CNNM4: variants seen among roughly 807,000 people sequenced by gnomAD.
CNNM4 encodes the protein metal transporter CNNM4.
A neutral mutation model predicts 53.7 loss-of-function variants in CNNM4; 32 were observed. That is an observed-to-expected ratio of 0.60 (90% CI 0.45 to 0.80). CNNM4 has a LOEUF of 0.80. Ranked by LOEUF, CNNM4 falls within the 30% of genes least tolerant of loss-of-function variation. CNNM4 has a pLI of 0.00. For missense variants in CNNM4, 784 were observed against 1,022.0 expected (o/e 0.77, Z 3.17); for synonymous variants, 410 against 440.0 (o/e 0.93, Z 0.85).
In CNNM4 at chr2:96,765,215, C is replaced by T. The variant is rs539632345; in HGVS notation, c.1402+2814C>T. Among the ~76,000 whole-genome samples, 156 of 150,578 alleles carry T rather than the reference C, an allele frequency of 1.0e-3. 2 individuals are homozygous for T. Among genetic ancestry groups the T allele is most frequent in the Admixed American group, 7.8e-3 (118 of 15,118 alleles). On this transcript the variant is annotated intron_variant, in intron 1 of 6. Coordinates refer to ENST00000377075, the MANE Select transcript of CNNM4 (RefSeq NM_020184.4). ...AATCTCGGCTCGCTGCAACCTCTAC[C>T]TCCCGGGTTAAAGCGATTCTTCTGC...
chr2:96,761,102 G>T lies in CNNM4; in HGVS notation c.103G>T (p.Ala35Ser), dbSNP rs1452851536. ...VLLVLLWALG[A>S]RGQGSPQQGT... The stretch of plus-strand genomic sequence containing the variant: ...GCTGGTGCTGCTGTGGGCGCTGGGG[G>T]CCCGGGGCCAGGGCAGCCCCCAGCA... The change falls in exon 1 of 7, where the codon GCC becomes TCC. Residue 35 changes from alanine to serine, a missense_variant. Physicochemically the swap from Ala to Ser is moderately conservative, Grantham distance 99. This residue lies in a region of CNNM4 where 473 missense variants were observed against 624.6 expected (regional missense o/e 0.76). Transcript: ENST00000377075. This position sits in a 1 kb window ranked among gnomAD's most constrained non-coding sequence, Gnocchi z 6.0. 1 of 1,539,974 alleles carries T rather than the reference G, an allele frequency of 6.5e-7. No homozygotes were observed. Among genetic ancestry groups the T allele is most frequent in the Non-Finnish European group, 8.8e-7 (1 of 1,137,764 alleles).
chr2:96,765,942 C>A (rs2078815028), intron 1 of CNNM4, among the ~76,000 whole-genome samples: 2 of 151,052 alleles, frequency 1.3e-5, no homozygotes, highest in African/African-American at 4.9e-5. Context: ...CGCCACCACG[C>A]CCGGCTATTT....
At chr2:96,806,021 C>T (rs1200680848) in intron 5 of CNNM4, among the ~76,000 whole-genome samples, 1 of 150,448 alleles carries the variant, frequency 6.6e-6, no homozygotes, top group Non-Finnish European at 1.5e-5. Context: ...CCAGTAGGGG[C>T]GGCCGGGCAG....
intron 1 of CNNM4, among the ~76,000 whole-genome samples, chr2:96,789,623 A>G (rs935652507): frequency 4.6e-5 from 7 of 152,306 alleles, no homozygotes; most frequent in Non-Finnish European, 1.0e-4. Context: ...CAGTGCTTGG[A>G]AAGGGCTTGG....
chr2:96,766,633 T>G (rs919923562), intron 1 of CNNM4, among the ~76,000 whole-genome samples: 2 of 152,228 alleles, frequency 1.3e-5, no homozygotes, highest in African/African-American at 4.8e-5. Flanking sequence ...TGTAATTTGC[T>G]GATTTACTGT....
At position 96,810,623 on chromosome 2, in the gene CNNM4, G is replaced by C; in HGVS notation, c.*1106G>C. Reference sequence around the variant, plus strand: ...ATCCCCAAGCTTCAGTCCCTCTTGGGGGTGGAGACAAGAGGACATGTGGGA... The same window carrying C: ...ATCCCCAAGCTTCAGTCCCTCTTGGCGGTGGAGACAAGAGGACATGTGGGA... On this transcript the variant is annotated 3_prime_UTR_variant, in exon 7 of 7. Coordinates refer to ENST00000377075, the MANE Select transcript of CNNM4 (RefSeq NM_020184.4). The surrounding 1 kb of genome is among the most constrained non-coding windows in gnomAD (Gnocchi z 4.1). The C allele has an allele frequency of 6.6e-6, 1 of 152,432 alleles. No individual in the cohort carries two copies. The highest frequency in any genetic ancestry group is 1.5e-5 in the Non-Finnish European group (1 of 68,040). The allele number at this position is 152,432 out of a possible 1,614,324, so 9.4% of individuals were successfully genotyped here. A position where few individuals can be genotyped will look rare whatever the true frequency, so the allele number is the denominator to read the frequency against.
rs773916802 is a variant in CNNM4 at position 96,799,038 on chromosome 2, CTT to C, written c.1682-18_1682-17del. ...ACCTGGCCAGCCCCGTGTGAGGTCTCTTCTCTCTCCTCCTACAGAGGTCTCTC... is the reference window on the plus strand; with the variant it reads ...ACCTGGCCAGCCCCGTGTGAGGTCTCCTCTCTCCTCCTACAGAGGTCTCTC... On this transcript the variant is annotated splice_polypyrimidine_tract_variant and intron_variant, in intron 3 of 6. Transcript: ENST00000377075. 5.0e-6 allele frequency: 8 copies of C among 1,613,558 alleles called. No individual in the cohort carries two copies. The highest frequency in any genetic ancestry group is 1.7e-5 in the Admixed American group (1 of 60,026).
At position 96,766,560 on chromosome 2, in the gene CNNM4, A is replaced by C. The variant is rs1272834277; in HGVS notation, c.1402+4159A>C. Among the ~76,000 whole-genome samples the C allele has an allele frequency of 2.6e-5, 4 of 151,672 alleles. No homozygotes were observed. In the East Asian group the frequency reaches 7.8e-4, roughly 29 times the overall value. On this transcript the variant is annotated intron_variant, in intron 1 of 6. Coordinates refer to ENST00000377075, the MANE Select transcript of CNNM4 (RefSeq NM_020184.4). Reference sequence around the variant, plus strand: ...ACCCACCATCCCACCCCAACTTCCTAATCTCCCCTGCCCTGTGCCGATTTC... The same window carrying C: ...ACCCACCATCCCACCCCAACTTCCTCATCTCCCCTGCCCTGTGCCGATTTC...
intron 1 of CNNM4, among the ~76,000 whole-genome samples, chr2:96,793,792 C>T (rs977449333): frequency 5.3e-5 from 8 of 152,146 alleles, no homozygotes; most frequent in African/African-American, 1.7e-4. Context: ...GGCGAAACCC[C>T]GTCTCTACTA....
intron 1 of CNNM4, among the ~76,000 whole-genome samples, chr2:96,771,057 G>C (rs576643159): frequency 3.2e-4 from 49 of 152,276 alleles, no homozygotes; most frequent in Non-Finnish European, 6.0e-4. Context: ...CTCGGCTGAG[G>C]GGGTGGGAAG....
intron 3 of CNNM4, 36 bp from the exon 4 acceptor site, chr2:96,799,021 A>T (rs1003518906): frequency 1.2e-6 from 2 of 1,610,308 alleles, no homozygotes; most frequent in African/African-American, 1.3e-5. Context: ...CCACCTGGCC[A>T]GCCCCGTGTG....
At chr2:96,795,892 C>T (rs1266417859) in intron 1 of CNNM4, among the ~76,000 whole-genome samples, 1 of 152,138 alleles carries the variant, frequency 6.6e-6, no homozygotes, top group Non-Finnish European at 1.5e-5. Flanking sequence ...GCCATAAGAA[C>T]AGGGTGTGGC....
At chr2:96,803,055 A>G (rs1164503209) in intron 5 of CNNM4, among the ~76,000 whole-genome samples, 1 of 152,186 alleles carries the variant, frequency 6.6e-6, no homozygotes, top group Non-Finnish European at 1.5e-5. Context: ...CTTCCATCTG[A>G]ACTGTTCCAA....
chr2:96,806,148 C>T (rs1450601375), intron 5 of CNNM4, among the ~76,000 whole-genome samples: 3 of 151,606 alleles, frequency 2.0e-5, no homozygotes, highest in African/African-American at 7.3e-5. Context: ...CCACCGCCCT[C>T]CCGGACGGGG....
Position 96,808,462 on chromosome 2 carries a change from G to A in CNNM4, c.1949-99G>A. 8.3e-7 allele frequency: 1 copy of A among 1,206,728 alleles called. No individual in the cohort carries two copies. Among genetic ancestry groups the A allele is most frequent in the South Asian group, 1.3e-5 (1 of 79,552 alleles). 74.8% of individuals were successfully genotyped at this position (1,206,728 alleles called of 1,614,324 possible). On this transcript the variant is annotated intron_variant, in intron 5 of 6. Transcript: ENST00000377075. This position sits in a 1 kb window ranked among gnomAD's most constrained non-coding sequence, Gnocchi z 4.9. ...CCTAAGAATGACTTCCTGTTCCTGG[G>A]TGGGGTGTCCCTGGGCTTCCATGGG...
rs1254484367 is a variant in CNNM4, at chr2:96,800,317, C to G, written c.1948+669C>G. Reference sequence around the variant, plus strand: ...CCCAGGTCTCGCCAGCTCATCTCCTCGCTCCTCTCCAGGCTTCGGTCCTGG... The same window carrying G: ...CCCAGGTCTCGCCAGCTCATCTCCTGGCTCCTCTCCAGGCTTCGGTCCTGG... On this transcript the variant is annotated intron_variant, in intron 5 of 6. Transcript: ENST00000377075. The surrounding 1 kb of genome is among the most constrained non-coding windows in gnomAD (Gnocchi z 4.6). Among the ~76,000 whole-genome samples the G allele has an allele frequency of 6.6e-6, 1 of 152,322 alleles. No individual in the cohort carries two copies. Among genetic ancestry groups the G allele is most frequent in the East Asian group, 1.9e-4 (1 of 5,180 alleles).
At position 96,799,196 on chromosome 2, in the gene CNNM4, G is replaced by A. The variant is rs200000984; in HGVS notation, c.1821G>A (p.Lys607=). ...YARHYLYTRN[K]PADYFILILQ... The stretch of plus-strand genomic sequence containing the variant: ...GCCATTACCTGTACACCCGAAATAA[G>A]CCGGCCGACTACTTCATCCTCATCC... The change falls in exon 4 of 7, where the codon AAG becomes AAA. Residue 607 remains lysine (K), a synonymous_variant. Coordinates refer to ENST00000377075, the MANE Select transcript of CNNM4 (RefSeq NM_020184.4). The A allele has an allele frequency of 1.0e-4, 165 of 1,614,168 alleles. No individual in the cohort carries two copies. In the East Asian group the frequency reaches 3.6e-3, roughly 35 times the overall value.
intron 5 of CNNM4, among the ~76,000 whole-genome samples, chr2:96,799,905 G>A (rs1465446043): frequency 1.3e-5 from 2 of 152,224 alleles, no homozygotes; most frequent in Non-Finnish European, 2.9e-5. Context: ...CCTGGAGGCA[G>A]CGGAGGGCAT....
rs2153341316 is a variant in CNNM4, at chr2:96,761,127, A to G, written c.128A>G (p.Gln43Arg). ...GCCCGGGGCCAGGGCAGCCCCCAGC[A>G]GGGCACGATCGTGGGCATGAGGCTG... ...LGARGQGSPQ[Q>R]GTIVGMRLAS... Residue 43 changes from glutamine (Q) to arginine (R), a missense_variant, in exon 1 of 7, where the codon CAG becomes CGG. Coordinates refer to ENST00000377075, the MANE Select transcript of CNNM4 (RefSeq NM_020184.4). The surrounding 1 kb of genome is among the most constrained non-coding windows in gnomAD (Gnocchi z 6.0). 1.3e-6 allele frequency: 2 copies of G among 1,591,274 alleles called. No individual in the cohort carries two copies. The highest frequency in any genetic ancestry group is 4.5e-5 in the East Asian group (2 of 44,514).
Sources: gnomAD v4.1 joint callset for allele counts (sites outside exome capture counted in the v4.1 genomes callset) on GRCh38, gnomAD v4.1.1 for gene constraint, gnomAD v4.1.1 regional missense constraint, Gnocchi (gnomAD v3.1) non-coding constraint, MANE v1.5 for transcripts, NCBI Gene and HGNC (gene_info 2026-07-23, HGNC 2026-07-21) for gene names.